The following CDC40 variants were observed in gnomAD, a reference collection of about 807,000 sequenced individuals.
CDC40 encodes the protein pre-mRNA-processing factor 17.
CDC40 carries 27 observed loss-of-function variants against 80.6 expected under a neutral mutation model. The observed-to-expected ratio is 0.33, with a 90% confidence interval of 0.25 to 0.46. The LOEUF (loss-of-function observed/expected upper bound fraction) is 0.46, where lower values mean the gene tolerates loss of function less well. Ranked by LOEUF, CDC40 falls within the 20% of genes least tolerant of loss-of-function variation. CDC40 has a pLI of 1.00. For synonymous variants in CDC40, 221 were observed against 232.6 expected, an observed-to-expected ratio of 0.95 and a Z score of 0.45; for missense variants, 486 against 694.1, an observed-to-expected ratio of 0.70 and a Z score of 3.37.
chr6:110,222,467 G>T (rs1777790398), intron 12 of CDC40, among the ~76,000 whole-genome samples: 1 of 152,174 alleles, frequency 6.6e-6, no homozygotes, highest in Non-Finnish European at 1.5e-5. Context: ...TGAGGCAGGA[G>T]AATCGCTTGA....
chr6:110,210,026 CAATT>C (rs1229108604), intron 5 of CDC40, among the ~76,000 whole-genome samples: 1 of 152,042 alleles, frequency 6.6e-6, no homozygotes, highest in African/African-American at 2.4e-5. Flanking sequence ...TATGTAAAAA[CAATT>C]AACTGAAAAA....
intron 13 of CDC40, among the ~76,000 whole-genome samples, chr6:110,227,417 A>G (rs9487319): frequency 6.6e-6 from 1 of 152,004 alleles, no homozygotes; most frequent in East Asian, 1.9e-4. Context: ...ATGAGAAGAG[A>G]AACCTAACTG....
At chr6:110,216,782 A>G (rs1777704838) in intron 9 of CDC40, among the ~76,000 whole-genome samples, 1 of 152,182 alleles carries the variant, frequency 6.6e-6, no homozygotes, top group South Asian at 2.1e-4. Flanking sequence ...GTTTAGCCAC[A>G]TTTTATTTTT....
intron 10 of CDC40, among the ~76,000 whole-genome samples, chr6:110,219,129 T>G (rs1268888044): frequency 2.0e-5 from 3 of 152,218 alleles, no homozygotes; most frequent in Non-Finnish European, 4.4e-5. Context: ...TTCCATTATA[T>G]GAATGAAGTT....
At chr6:110,195,636 A>ACC (rs1339811986) in intron 2 of CDC40, among the ~76,000 whole-genome samples, 1 of 152,216 alleles carries the variant, frequency 6.6e-6, no homozygotes, top group Non-Finnish European at 1.5e-5. Flanking sequence ...GGCACAGAGT[A>ACC]GGCATTTAAC....
intron 2 of CDC40, among the ~76,000 whole-genome samples, chr6:110,200,465 T>G (rs1777480717): frequency 6.6e-6 from 1 of 152,238 alleles, no homozygotes; most frequent in African/African-American, 2.4e-5. Context: ...GAAAATATCC[T>G]ATTATTTTCG....
rs757317676 is a variant in CDC40 at position 110,207,498 on chromosome 6, G to A, written c.407-8G>A. On this transcript the variant is annotated splice_region_variant and splice_polypyrimidine_tract_variant and intron_variant, in intron 3 of 14. Coordinates refer to ENST00000307731, the MANE Select transcript of CDC40 (RefSeq NM_015891.3). The stretch of plus-strand genomic sequence containing the variant: ...TGGAGTTAATAATTTTCACTTTTTT[G>A]CTTTCAGGTTATGCATTAGACCCTT... The A allele has an allele frequency of 8.0e-6, 12 of 1,494,526 alleles. No individual in the cohort carries two copies. The highest frequency in any genetic ancestry group is 1.0e-5 in the Non-Finnish European group (11 of 1,080,214). The allele number at this position is 1,494,526 out of a possible 1,614,324, so 92.6% of individuals were successfully genotyped here. A position where few individuals can be genotyped will look rare whatever the true frequency, so the allele number is the denominator to read the frequency against.
At chr6:110,185,709 C>G (rs1169646333) in intron 1 of CDC40, among the ~76,000 whole-genome samples, 2 of 152,046 alleles carry the variant, frequency 1.3e-5, no homozygotes, top group African/African-American at 4.8e-5. Context: ...AAACTAACCA[C>G]AAAAAGATAG....
intron 12 of CDC40, among the ~76,000 whole-genome samples, chr6:110,223,851 G>C (rs866683117): frequency 4.1e-5 from 4 of 97,620 alleles, no homozygotes; most frequent in Non-Finnish European, 7.5e-5. Flanking sequence ...TGTTTTGTTT[G>C]AGACAGAGTC....
chr6:110,221,728 G>C (rs1777778661), intron 12 of CDC40, among the ~76,000 whole-genome samples: 1 of 151,996 alleles, frequency 6.6e-6, no homozygotes, highest in Non-Finnish European at 1.5e-5. Context: ...AATATAGAGT[G>C]GTATAAAAGA....
intron 1 of CDC40, among the ~76,000 whole-genome samples, chr6:110,190,704 G>A (rs1298606110): frequency 6.6e-6 from 1 of 152,172 alleles, no homozygotes; most frequent in East Asian, 1.9e-4. Flanking sequence ...CCTGCAGGGT[G>A]GGAAGCCAAG....
At chr6:110,214,999 T>C (rs755305817) in intron 8 of CDC40, among the ~76,000 whole-genome samples, 1 of 152,236 alleles carries the variant, frequency 6.6e-6, no homozygotes, top group Non-Finnish European at 1.5e-5. Context: ...AAAACTTACC[T>C]GAATTAACTC....
intron 1 of CDC40, among the ~76,000 whole-genome samples, chr6:110,186,434 G>T (rs1280132007): frequency 6.6e-6 from 1 of 151,982 alleles, no homozygotes; most frequent in Non-Finnish European, 1.5e-5. Flanking sequence ...CAGTGAGCCA[G>T]AATCACGCCA....
chr6:110,184,212 C>A (rs1304500363), intron 1 of CDC40, among the ~76,000 whole-genome samples: 1 of 152,156 alleles, frequency 6.6e-6, no homozygotes, highest in African/African-American at 2.4e-5. Context: ...GGGCAGTTCC[C>A]TTGCCCTTTT....
At chr6:110,195,598 A>T (rs1451064641) in intron 2 of CDC40, among the ~76,000 whole-genome samples, 1 of 152,212 alleles carries the variant, frequency 6.6e-6, no homozygotes, top group Non-Finnish European at 1.5e-5. Context: ...AAATCAGATA[A>T]TGTATGATAT....
At chr6:110,215,455 A>G (rs1777688388) in intron 9 of CDC40, 124 bp downstream of exon 9, 1 of 792,016 alleles carries the variant, frequency 1.3e-6, no homozygotes, top group African/African-American at 1.7e-5. Context: ...CTGAATCTGG[A>G]AGGAGGAGTC....
rs747823990 is a variant in CDC40 at position 110,180,432 on chromosome 6, A to AT, written c.-10dup. 1.9e-6 allele frequency: 3 copies of AT among 1,613,716 alleles called. No individual in the cohort carries two copies. The highest frequency in any genetic ancestry group is 2.2e-5 in the East Asian group (1 of 44,870). ...CGCCCTGGCAGGGTCTCCGCAGAAG[A>AT]TTTGTTGCCGTCATGTCGGCTGCGA... On this transcript the variant is annotated 5_prime_UTR_variant, in exon 1 of 15. Coordinates refer to ENST00000307731, the MANE Select transcript of CDC40 (RefSeq NM_015891.3).
At chr6:110,198,598 AC>A (rs1370358675) in intron 2 of CDC40, among the ~76,000 whole-genome samples, 28 of 152,016 alleles carry the variant, frequency 1.8e-4, no homozygotes, top group African/African-American at 6.0e-4. Flanking sequence ...TTGGATATTA[AC>A]CCCTTACCAG....
At chr6:110,211,050 T>G (rs1328004488) in intron 6 of CDC40, 1 of 194,146 alleles carries the variant, frequency 5.2e-6, no homozygotes, top group Non-Finnish European at 1.1e-5. Context: ...TGAATTTTAT[T>G]AAATGGTAGA....
Sources: allele counts gnomAD v4.1 joint callset (sites outside exome capture counted in the v4.1 genomes callset), GRCh38; gene constraint gnomAD v4.1.1; transcripts MANE v1.5; gene names NCBI Gene and HGNC (gene_info 2026-07-23, HGNC 2026-07-21).